Variants in SAMD12 observed in about 807,000 individuals in gnomAD.
SAMD12 encodes sterile alpha motif domain-containing protein 12.
In SAMD12, 9 loss-of-function variants were observed where a neutral mutation model predicts 15.0. The ratio of observed to expected loss-of-function variants is 0.60; its 90% CI spans 0.36 to 1.05. The LOEUF is 1.05. SAMD12 is among the 50% of genes least tolerant of loss of function. The pLI, the probability that SAMD12 is intolerant of heterozygous loss-of-function variation, is 0.01. For synonymous variants in SAMD12, 86 were observed against 90.1 expected (o/e 0.96, Z 0.25); for missense variants, 230 against 234.2 (o/e 0.98, Z 0.12).
At chr8:118,431,769 T>C (rs989599286) in intron 3 of SAMD12, among the ~76,000 whole-genome samples, 11 of 152,008 alleles carry the variant, frequency 7.2e-5, no homozygotes, top group Admixed American at 3.9e-4. Context: ...GTTGGTGTTA[T>C]CTGAACTTCT....
intron 4 of SAMD12, among the ~76,000 whole-genome samples, chr8:118,232,900 C>T (rs911408085): frequency 6.6e-6 from 1 of 152,030 alleles, no homozygotes; most frequent in Non-Finnish European, 1.5e-5. Flanking sequence ...ATGAACGGTA[C>T]CAGCCCAATT....
At chr8:118,608,004 T>C (rs1400837398) in intron 1 of SAMD12, among the ~76,000 whole-genome samples, 1 of 152,186 alleles carries the variant, frequency 6.6e-6, no homozygotes, top group Non-Finnish European at 1.5e-5. Context: ...AGGCTAGGTA[T>C]AACCCTTTAT....
chr8:118,561,827 T>C (rs1282045758), intron 2 of SAMD12, among the ~76,000 whole-genome samples: 1 of 152,174 alleles, frequency 6.6e-6, no homozygotes, highest in East Asian at 1.9e-4. Flanking sequence ...AAATGTTAAA[T>C]TACAACTCTC....
chr8:118,418,821 A>G (rs1422440706), intron 3 of SAMD12, among the ~76,000 whole-genome samples: 2 of 152,204 alleles, frequency 1.3e-5, no homozygotes. Context: ...TATAGCATCC[A>G]ATACATGATC....
intron 4 of SAMD12, among the ~76,000 whole-genome samples, chr8:118,253,582 G>A (rs1026155856): frequency 3.9e-5 from 6 of 152,134 alleles, no homozygotes; most frequent in African/African-American, 1.2e-4. Context: ...ACAATGGCAG[G>A]CATTTTAGGA....
intron 2 of SAMD12, among the ~76,000 whole-genome samples, chr8:118,535,861 C>T (rs759737430): frequency 6.6e-6 from 1 of 152,208 alleles, no homozygotes. Flanking sequence ...CTCCCCTTGG[C>T]TAGGAAAGGG....
intron 2 of SAMD12, among the ~76,000 whole-genome samples, chr8:118,542,928 C>T (rs1826024883): frequency 6.7e-6 from 1 of 150,058 alleles, no homozygotes; most frequent in African/African-American, 2.5e-5. Context: ...CTTTGCACTA[C>T]AGTAGTACAA....
chr8:118,353,445 G>C (rs1586585895), intron 4 of SAMD12, among the ~76,000 whole-genome samples: 1 of 151,912 alleles, frequency 6.6e-6, no homozygotes, highest in East Asian at 1.9e-4. Context: ...TAGCGCCCTT[G>C]TAAGAAGAGA....
At chr8:118,357,190 T>C (rs766714988) in intron 4 of SAMD12, among the ~76,000 whole-genome samples, 14 of 152,202 alleles carry the variant, frequency 9.2e-5, no homozygotes, top group Non-Finnish European at 1.6e-4. Context: ...TACAGCATGG[T>C]GACTACAGTT....
intron 4 of SAMD12, among the ~76,000 whole-genome samples, chr8:118,260,166 C>T (rs1586394968): frequency 6.6e-6 from 1 of 152,118 alleles, no homozygotes; most frequent in African/African-American, 2.4e-5. Context: ...CACAAAATCC[C>T]AAACCCATAT....
At chr8:118,157,855 A>G in the SAMD12 span, among the ~76,000 whole-genome samples, 3 of 152,256 alleles carry the variant, frequency 2.0e-5, no homozygotes, top group African/African-American at 7.2e-5. Flanking sequence ...AGTATATGAA[A>G]CAAAGTTTTT....
intron 4 of SAMD12, among the ~76,000 whole-genome samples, chr8:118,267,856 T>C (rs1813244967): frequency 6.6e-6 from 1 of 152,076 alleles, no homozygotes; most frequent in Non-Finnish European, 1.5e-5. Flanking sequence ...TTTGGGAGGC[T>C]GAGGCTGGTG....
At chr8:118,203,974 C>T (rs1242934923) in intron 4 of SAMD12, among the ~76,000 whole-genome samples, 1 of 151,792 alleles carries the variant, frequency 6.6e-6, no homozygotes, top group Non-Finnish European at 1.5e-5. Context: ...TATATCACTC[C>T]CAAAATAGGC....
At chr8:118,286,167 T>C (rs1041521422) in intron 4 of SAMD12, among the ~76,000 whole-genome samples, 2 of 56,054 alleles carry the variant, frequency 3.6e-5, no homozygotes, top group Non-Finnish European at 6.7e-5. Context: ...GGGCCTGTTG[T>C]GGGGTGAGGG....
At chr8:118,235,460 T>G (rs1812408578) in intron 4 of SAMD12, among the ~76,000 whole-genome samples, 1 of 152,098 alleles carries the variant, frequency 6.6e-6, no homozygotes, top group Admixed American at 6.6e-5. Flanking sequence ...CCGCCCACCT[T>G]GGCCTCCCAA....
At chr8:118,561,537 G>C (rs1423304622) in intron 2 of SAMD12, among the ~76,000 whole-genome samples, 1 of 152,164 alleles carries the variant, frequency 6.6e-6, no homozygotes, top group Non-Finnish European at 1.5e-5. Flanking sequence ...CATGGTGGAA[G>C]GGGAAGAAAA....
chr8:118,268,680 G>A (rs1813265531), intron 4 of SAMD12, among the ~76,000 whole-genome samples: 1 of 152,142 alleles, frequency 6.6e-6, no homozygotes, highest in South Asian at 2.1e-4. Flanking sequence ...CAGGCGTGGT[G>A]GTGCTCACCT....
At chr8:118,481,278 G>A (rs1824120278) in intron 2 of SAMD12, among the ~76,000 whole-genome samples, 1 of 152,062 alleles carries the variant, frequency 6.6e-6, no homozygotes, top group Non-Finnish European at 1.5e-5. Flanking sequence ...TTCTAATTTA[G>A]TACTAAACTA....
rs1819380190 is a variant in SAMD12 at position 118,191,756 on chromosome 8, T to TTCTC, written c.*5953_*5954insGAGA. The stretch of plus-strand genomic sequence containing the variant: ...TGTGGTTGAAAAAAAATACTGGAGA[T>TTCTC]TATATATATATATATATATATATAT... On this transcript the variant is annotated 3_prime_UTR_variant, in exon 5 of 5. Transcript: ENST00000409003. The TTCTC allele has an allele frequency of 3.8e-3, 58 of 15,360 alleles. 6 individuals carry two copies. The highest frequency in any genetic ancestry group is 0.01 in the African/African-American group (47 of 4,674). The allele number at this position is 15,360 out of a possible 1,614,324, so 1.0% of individuals were successfully genotyped here.
Sources: gnomAD v4.1 joint callset for allele counts (sites outside exome capture counted in the v4.1 genomes callset) on GRCh38, gnomAD v4.1.1 for gene constraint, MANE v1.5 for transcripts, NCBI Gene and HGNC (gene_info 2026-07-23, HGNC 2026-07-21) for gene names.